ARMH3: variants seen among roughly 807,000 people sequenced by gnomAD.
The protein encoded by ARMH3 is armadillo like helical domain containing 3.
A neutral mutation model predicts 99.1 loss-of-function variants in ARMH3; 60 were observed. That is an observed-to-expected ratio of 0.61 (90% CI 0.49 to 0.75). The LOEUF (loss-of-function observed/expected upper bound fraction) is 0.75, where lower values mean the gene tolerates loss of function less well. Among genes scored for constraint, ARMH3 ranks in the 30% least tolerant of loss-of-function variants. The pLI, the probability that ARMH3 is intolerant of heterozygous loss-of-function variation, is 0.00. For missense variants in ARMH3, 679 were observed against 843.1 expected (o/e 0.81, Z 2.41); for synonymous variants, 285 against 292.8 (o/e 0.97, Z 0.27).
intron 8 of ARMH3, among the ~76,000 whole-genome samples, chr10:102,021,787 C>A (rs2066891516): frequency 1.3e-5 from 2 of 152,082 alleles, no homozygotes; most frequent in Admixed American, 1.3e-4. Context: ...ACCTCGTGAT[C>A]CACCCGCCTC....
chr10:102,018,351 A>G (rs1473609165), intron 8 of ARMH3, among the ~76,000 whole-genome samples: 1 of 152,220 alleles, frequency 6.6e-6, no homozygotes, highest in East Asian at 1.9e-4. Context: ...CAGAACTCAT[A>G]TGAATAAGGC....
At chr10:101,884,780 C>G (rs936579060) in intron 24 of ARMH3, among the ~76,000 whole-genome samples, 1 of 114,932 alleles carries the variant, frequency 8.7e-6, no homozygotes, top group Non-Finnish European at 1.9e-5. Flanking sequence ...AAAAACAAAA[C>G]AAAACAAACA....
At chr10:101,997,118 A>G (rs1020845759) in intron 15 of ARMH3, among the ~76,000 whole-genome samples, 5 of 151,718 alleles carry the variant, frequency 3.3e-5, no homozygotes, top group African/African-American at 1.2e-4. Context: ...TACAAAAATC[A>G]GCCAGGCGTG....
At chr10:101,964,333 T>C (rs1299356432) in intron 20 of ARMH3, among the ~76,000 whole-genome samples, 1 of 152,126 alleles carries the variant, frequency 6.6e-6, no homozygotes, top group Non-Finnish European at 1.5e-5. Context: ...TGTCTCTAAA[T>C]GTCTTAGGAC....
At chr10:101,868,971 C>T (rs2067070545) in intron 24 of ARMH3, among the ~76,000 whole-genome samples, 1 of 151,292 alleles carries the variant, frequency 6.6e-6, no homozygotes, top group Admixed American at 6.6e-5. Context: ...GCTTGGGAGG[C>T]TGAGGCACAA....
chr10:102,051,215 G>A (rs1397848101), intron 1 of ARMH3, among the ~76,000 whole-genome samples: 2 of 151,242 alleles, frequency 1.3e-5, no homozygotes, highest in Non-Finnish European at 1.5e-5. Context: ...GCTCATGCCT[G>A]TAATATCAGC....
chr10:102,032,841 C>A, intron 4 of ARMH3, 185 bp downstream of exon 4: 1 of 595,042 alleles, frequency 1.7e-6, no homozygotes, highest in East Asian at 2.9e-5. Context: ...ACGATTACTC[C>A]TAAGTGTCAA....
chr10:101,890,722 T>G (rs978086734), intron 23 of ARMH3, among the ~76,000 whole-genome samples: 1 of 152,202 alleles, frequency 6.6e-6, no homozygotes, highest in Non-Finnish European at 1.5e-5. Context: ...AACACTACCT[T>G]AACCAAATGA....
intron 23 of ARMH3, among the ~76,000 whole-genome samples, chr10:101,932,878 A>G (rs1843779554): frequency 6.6e-6 from 1 of 152,210 alleles, no homozygotes; most frequent in Non-Finnish European, 1.5e-5. Context: ...TTACCATTAA[A>G]CTGTACACTT....
At chr10:101,868,751 T>C (rs546785301) in intron 24 of ARMH3, among the ~76,000 whole-genome samples, 1 of 152,296 alleles carries the variant, frequency 6.6e-6, no homozygotes, top group East Asian at 1.9e-4. Flanking sequence ...ATATAAAATA[T>C]GGGTTAATCA....
chr10:101,888,754 A>G (rs927239212), intron 24 of ARMH3, among the ~76,000 whole-genome samples: 1 of 152,272 alleles, frequency 6.6e-6, no homozygotes, highest in East Asian at 1.9e-4. Context: ...AAAGGACTCA[A>G]GAGTTTCATT....
At chr10:102,016,306 C>T (rs1001278429) in intron 8 of ARMH3, among the ~76,000 whole-genome samples, 3 of 152,160 alleles carry the variant, frequency 2.0e-5, no homozygotes, top group Admixed American at 6.5e-5. Flanking sequence ...CAAAAAGTTT[C>T]AGATTTGGGG....
chr10:102,030,129 C>T (rs981010650), intron 4 of ARMH3, among the ~76,000 whole-genome samples: 2 of 151,956 alleles, frequency 1.3e-5, no homozygotes, highest in African/African-American at 4.8e-5. Flanking sequence ...CCATGTTGCC[C>T]AGACTGGTCT....
intron 2 of ARMH3, among the ~76,000 whole-genome samples, chr10:102,039,585 C>T (rs1295050440): frequency 6.6e-6 from 1 of 152,112 alleles, no homozygotes; most frequent in African/African-American, 2.4e-5. Flanking sequence ...ATTTCCTTCA[C>T]CAACAACTTG....
chr10:101,910,745 A>AC (rs940384892), intron 23 of ARMH3, among the ~76,000 whole-genome samples: 3 of 151,470 alleles, frequency 2.0e-5, no homozygotes, highest in Admixed American at 6.6e-5. Context: ...AAAAAAAAAA[A>AC]AACAACAACT....
At chr10:101,971,582 T>G (rs1845773866) in intron 20 of ARMH3, among the ~76,000 whole-genome samples, 1 of 151,986 alleles carries the variant, frequency 6.6e-6, no homozygotes, top group African/African-American at 2.4e-5. Context: ...ATAAAATAAT[T>G]TACCTAGATA....
At chr10:101,992,933 C>G (rs954265477) in intron 17 of ARMH3, among the ~76,000 whole-genome samples, 1 of 152,042 alleles carries the variant, frequency 6.6e-6, no homozygotes, top group African/African-American at 2.4e-5. Flanking sequence ...ATTTTGAAAA[C>G]AAAAGGCTTA....
intron 24 of ARMH3, among the ~76,000 whole-genome samples, chr10:101,886,355 C>A (rs2067541653): frequency 1.3e-5 from 2 of 149,822 alleles, no homozygotes; most frequent in Admixed American, 6.6e-5. Context: ...TTAAAAAAAA[C>A]AAAAATCAGC....
rs1846819155 is a variant in ARMH3, at chr10:101,991,982, T to C, written c.1332A>G (p.Val444=). ...ATACTCACTCACCCAGTACTGCACA[T>C]ACTAAAGGACGGCAGGGAAGATTCT... ...ADKNLPCRPL[V]CAVLDLMVEF... is the part of the protein sequence containing the mutation. Residue 444 remains valine, a synonymous_variant, in exon 18 of 26, where the codon GTA becomes GTG. Coordinates refer to ENST00000370033, the MANE Select transcript of ARMH3 (RefSeq NM_024541.3). 1 of 1,613,942 alleles carries C rather than the reference T, an allele frequency of 6.2e-7. No individual in the cohort carries two copies. The highest frequency in any genetic ancestry group is 8.5e-7 in the Non-Finnish European group (1 of 1,179,826).
Sources: gnomAD v4.1 joint callset for allele counts (sites outside exome capture counted in the v4.1 genomes callset) on GRCh38, gnomAD v4.1.1 for gene constraint, MANE v1.5 for transcripts, NCBI Gene and HGNC (gene_info 2026-07-23, HGNC 2026-07-21) for gene names.